Variants in SDK1 observed in about 807,000 individuals in gnomAD.
The protein encoded by SDK1 is protein sidekick-1.
SDK1 carries 157 observed loss-of-function variants against 245.5 expected under a neutral mutation model. The observed-to-expected ratio is 0.64, with a 90% CI of 0.56 to 0.73. The LOEUF is 0.73. Among genes scored for constraint, SDK1 ranks in the 30% least tolerant of loss-of-function variants. The probability of loss-of-function intolerance (pLI) is 0.00; values close to 1 mark genes in which losing one functional copy is unlikely to be tolerated. For synonymous variants in SDK1, 1,647 were observed against 1,278.5 expected (o/e 1.29, Z -6.15); for missense variants, 3,583 against 3,002.3 (o/e 1.19, Z -4.52).
At chr7:3,655,477 A>ATGTG (rs1324904016) in intron 4 of SDK1, among the ~76,000 whole-genome samples, 1 of 88,200 alleles carries the variant, frequency 1.1e-5, no homozygotes, top group African/African-American at 5.0e-5. Flanking sequence ...ATATATATAT[A>ATGTG]TATATATATA....
At chr7:3,958,906 C>T (rs1562573341) in intron 7 of SDK1, 25 bp from the exon 8 acceptor site, 1 of 1,582,560 alleles carries the variant, frequency 6.3e-7, no homozygotes, top group African/African-American at 1.3e-5. Context: ...GGCTTAGGGG[C>T]TTTTTTTTAT....
chr7:3,980,898 C>G (rs781753780), intron 13 of SDK1, among the ~76,000 whole-genome samples: 2 of 151,506 alleles, frequency 1.3e-5, no homozygotes, highest in Admixed American at 6.6e-5. Context: ...CCGAATTGCA[C>G]CACTGCACTC....
At chr7:3,817,761 C>T (rs890880367) in intron 4 of SDK1, among the ~76,000 whole-genome samples, 1 of 152,220 alleles carries the variant, frequency 6.6e-6, no homozygotes, top group Admixed American at 6.5e-5. Context: ...GCTAGCTACT[C>T]TCTTCCTCGG....
chr7:3,922,361 G>A (rs958677175), intron 5 of SDK1, among the ~76,000 whole-genome samples: 2 of 152,164 alleles, frequency 1.3e-5, no homozygotes, highest in African/African-American at 2.4e-5. Context: ...GTTCACTGAC[G>A]TCATATTGGG....
At chr7:3,903,269 G>T (rs556680829) in intron 5 of SDK1, among the ~76,000 whole-genome samples, 1 of 150,990 alleles carries the variant, frequency 6.6e-6, no homozygotes, top group Non-Finnish European at 1.5e-5. Flanking sequence ...TCAGCCTCCC[G>T]AGTAGCTGGG....
chr7:4,111,078 A>T (rs1288223514), intron 23 of SDK1, among the ~76,000 whole-genome samples: 1 of 152,140 alleles, frequency 6.6e-6, no homozygotes, highest in African/African-American at 2.4e-5. Flanking sequence ...GGCAGCAGAG[A>T]TGTGGCACTT....
At chr7:3,980,975 T>A (rs530189814) in intron 13 of SDK1, among the ~76,000 whole-genome samples, 1 of 152,232 alleles carries the variant, frequency 6.6e-6, no homozygotes, top group African/African-American at 2.4e-5. Context: ...AAATAGTTTA[T>A]ATTTCCAGAA....
chr7:4,267,356 C>G lies in SDK1; in HGVS notation c.*1972C>G. On this transcript the variant is annotated 3_prime_UTR_variant, in exon 45 of 45. Transcript: ENST00000404826. ...CCCTATTCCTTCTTCCTTTTCTCCT[C>G]CTTTTTCTGAGTGGAGGGGGAAATA... 2 of 980,236 alleles carry G rather than the reference C, an allele frequency of 2.0e-6. No individual in the cohort carries two copies. The highest frequency in any genetic ancestry group is 2.4e-6 in the Non-Finnish European group (2 of 826,936). 60.7% of individuals were successfully genotyped at this position (980,236 alleles called of 1,614,324 possible). A position where few individuals can be genotyped will look rare whatever the true frequency, so the allele number is the denominator to read the frequency against.
intron 4 of SDK1, among the ~76,000 whole-genome samples, chr7:3,819,693 C>T (rs1779595514): frequency 6.6e-6 from 1 of 151,924 alleles, no homozygotes; most frequent in Non-Finnish European, 1.5e-5. Context: ...AAATTGAAAA[C>T]TTCCTAATAG....
chr7:3,478,764 A>C (rs1260007805), intron 1 of SDK1, among the ~76,000 whole-genome samples: 1 of 151,852 alleles, frequency 6.6e-6, no homozygotes, highest in Non-Finnish European at 1.5e-5. Flanking sequence ...CTAATTGTTA[A>C]ATTTGTTGAA....
intron 1 of SDK1, among the ~76,000 whole-genome samples, chr7:3,411,053 C>T (rs1462852630): frequency 6.6e-6 from 1 of 152,046 alleles, no homozygotes; most frequent in African/African-American, 2.4e-5. Flanking sequence ...GTAAGAAGAG[C>T]TTTGTAATGA....
chr7:3,815,505 A>AT (rs1177036539), intron 4 of SDK1, among the ~76,000 whole-genome samples: 2 of 150,074 alleles, frequency 1.3e-5, no homozygotes, highest in African/African-American at 4.9e-5. Flanking sequence ...GTGCTGCTGG[A>AT]TTCAGTTTGC....
chr7:3,320,292 C>G (rs1779771060), intron 1 of SDK1, among the ~76,000 whole-genome samples: 1 of 151,912 alleles, frequency 6.6e-6, no homozygotes, highest in African/African-American at 2.4e-5. Flanking sequence ...TTTTTTCCCC[C>G]TATCTCTTGT....
chr7:4,143,400 A>G (rs1418696849), intron 28 of SDK1, among the ~76,000 whole-genome samples: 1 of 152,128 alleles, frequency 6.6e-6, no homozygotes, highest in African/African-American at 2.4e-5. Context: ...AGCCAGGAGC[A>G]ACCAGGCATG....
intron 5 of SDK1, among the ~76,000 whole-genome samples, chr7:3,868,873 T>G (rs1054962333): frequency 3.3e-5 from 5 of 152,218 alleles, no homozygotes; most frequent in African/African-American, 9.6e-5. Context: ...CTGCTTGCTT[T>G]TGTTACCTAA....
At chr7:3,586,296 G>A (rs968228134) in intron 1 of SDK1, among the ~76,000 whole-genome samples, 1 of 152,092 alleles carries the variant, frequency 6.6e-6, no homozygotes, top group East Asian at 1.9e-4. Context: ...CCTAGGCCAG[G>A]AGTCATGAGT....
intron 1 of SDK1, among the ~76,000 whole-genome samples, chr7:3,450,210 A>G (rs766208379): frequency 7.9e-5 from 12 of 152,234 alleles, no homozygotes; most frequent in Non-Finnish European, 1.3e-4. Flanking sequence ...TATGTGAGAG[A>G]TGATGTATAG....
chr7:4,194,452 G>GTA (rs56995793), intron 35 of SDK1, among the ~76,000 whole-genome samples: 6,909 of 91,600 alleles, frequency 0.075, 930 homozygotes, highest in African/African-American at 0.22. Flanking sequence ...ATGTATACAT[G>GTA]TATATATGTG....
At chr7:3,385,671 T>C (rs541844342) in intron 1 of SDK1, among the ~76,000 whole-genome samples, 9 of 152,322 alleles carry the variant, frequency 5.9e-5, no homozygotes, top group African/African-American at 1.4e-4. Context: ...ACAGCCCCCG[T>C]ATGTATCTCT....
Sources: allele counts gnomAD v4.1 joint callset (sites outside exome capture counted in the v4.1 genomes callset), GRCh38; gene constraint gnomAD v4.1.1; transcripts MANE v1.5; gene names NCBI Gene and HGNC (gene_info 2026-07-23, HGNC 2026-07-21).